CCSER2: variants seen among roughly 807,000 people sequenced by gnomAD.
CCSER2 encodes the protein coiled-coil serine rich protein 2.
A neutral mutation model predicts 92.3 loss-of-function variants in CCSER2; 46 were observed. The observed-to-expected ratio is 0.50, with a 90% CI of 0.39 to 0.64. The LOEUF (loss-of-function observed/expected upper bound fraction) is 0.64, where lower values mean the gene tolerates loss of function less well. Ranked by LOEUF, CCSER2 falls within the 30% of genes least tolerant of loss-of-function variation. The pLI, the probability that CCSER2 is intolerant of heterozygous loss-of-function variation, is 0.00. For synonymous variants in CCSER2, 433 were observed against 431.4 expected (o/e 1.00, Z -0.04); for missense variants, 1,244 against 1,238.9 (o/e 1.00, Z -0.06).
At chr10:84,451,274 G>GT (rs1195724382) in intron 6 of CCSER2, among the ~76,000 whole-genome samples, 359 of 119,896 alleles carry the variant, frequency 3.0e-3, no homozygotes, top group African/African-American at 6.3e-3. Context: ...TTTGTTTTTT[G>GT]TTTTTTTTTT....
chr10:84,410,260 A>G (rs1363150098), intron 3 of CCSER2, among the ~76,000 whole-genome samples: 2 of 152,152 alleles, frequency 1.3e-5, no homozygotes, highest in Admixed American at 6.5e-5. Context: ...AATTATTTAT[A>G]TTTCTTCAAT....
In CCSER2 at chr10:84,371,845, C is replaced by G; in HGVS notation, c.793C>G (p.Leu265Val). 1 of 1,613,962 alleles carries G rather than the reference C, an allele frequency of 6.2e-7. No individual in the cohort carries two copies. Among genetic ancestry groups the G allele is most frequent in the Non-Finnish European group, 8.5e-7 (1 of 1,179,900 alleles). The change falls in exon 2 of 10, where the codon CTA (leucine) becomes GTA (valine). Residue 265 changes from leucine (L) to valine (V), a missense_variant. Physicochemically the swap from Leu to Val is conservative, Grantham distance 32 (BLOSUM62 1). Transcript: ENST00000372088. ...QNQQLSIRVPLRSSMLTRNSR... is the reference protein window; with the variant it reads ...QNQQLSIRVPVRSSMLTRNSR... ...CCAACAGCTATCCATTAGAGTGCCT[C>G]TACGGTCAAGTATGCTAACAAGAAA... is the stretch of plus-strand genomic sequence containing the variant.
chr10:84,362,434 G>A (rs117038652), intron 1 of CCSER2, among the ~76,000 whole-genome samples: 3,128 of 152,132 alleles, frequency 0.021, 57 homozygotes, highest in Non-Finnish European at 0.034. Flanking sequence ...TTGTGTTCCT[G>A]TACCAACTGG....
At chr10:84,351,501 A>G (rs1374432492) in intron 1 of CCSER2, among the ~76,000 whole-genome samples, 2 of 151,852 alleles carry the variant, frequency 1.3e-5, no homozygotes, top group African/African-American at 4.8e-5. Context: ...CAAAATCCCA[A>G]AATGCTGGGA....
intron 1 of CCSER2, among the ~76,000 whole-genome samples, chr10:84,348,727 TAAAA>T (rs982260003): frequency 2.7e-5 from 4 of 145,508 alleles, no homozygotes; most frequent in Non-Finnish European, 6.1e-5. Context: ...GGGACTGTCT[TAAAA>T]AAAGTTTTGG....
chr10:84,353,361 A>G (rs1026995580), intron 1 of CCSER2, among the ~76,000 whole-genome samples: 2 of 152,140 alleles, frequency 1.3e-5, no homozygotes, highest in Non-Finnish European at 2.9e-5. Context: ...GTATATACTA[A>G]CATCTGTTAT....
At chr10:84,363,512 TC>T (rs1845620389) in intron 1 of CCSER2, among the ~76,000 whole-genome samples, 1 of 152,222 alleles carries the variant, frequency 6.6e-6, no homozygotes, top group Non-Finnish European at 1.5e-5. Flanking sequence ...AGTTAATTGC[TC>T]TTGTACTTAG....
chr10:84,375,126 T>G (rs1846257784), intron 3 of CCSER2, among the ~76,000 whole-genome samples: 1 of 152,150 alleles, frequency 6.6e-6, no homozygotes, highest in Non-Finnish European at 1.5e-5. Flanking sequence ...AATAAACCAC[T>G]TAGTACCTGA....
chr10:84,443,990 C>CG (rs964839912), intron 6 of CCSER2, among the ~76,000 whole-genome samples: 1 of 151,044 alleles, frequency 6.6e-6, no homozygotes, highest in Non-Finnish European at 1.5e-5. Context: ...CAGGGCCTGT[C>CG]GGGGGGTAGG....
chr10:84,357,906 C>T (rs11814453), intron 1 of CCSER2, among the ~76,000 whole-genome samples: 31,686 of 152,042 alleles, frequency 0.21, 3,570 homozygotes, highest in Admixed American at 0.34. Context: ...AATAATGCTT[C>T]TATGGGTGAC....
At chr10:84,415,343 TG>T (rs1842839904) in intron 3 of CCSER2, among the ~76,000 whole-genome samples, 1 of 152,240 alleles carries the variant, frequency 6.6e-6, no homozygotes, top group Non-Finnish European at 1.5e-5. Flanking sequence ...GGGTCTTTTT[TG>T]TTGATGGTTT....
At chr10:84,496,657 T>C (rs1848469705) in intron 9 of CCSER2, among the ~76,000 whole-genome samples, 1 of 152,208 alleles carries the variant, frequency 6.6e-6, no homozygotes, top group Non-Finnish European at 1.5e-5. Flanking sequence ...GGTAGATTAC[T>C]GGATACAAGT....
chr10:84,419,516 C>G (rs1843037095), intron 4 of CCSER2, among the ~76,000 whole-genome samples: 1 of 152,162 alleles, frequency 6.6e-6, no homozygotes, highest in African/African-American at 2.4e-5. Flanking sequence ...GTGTACTCTT[C>G]ATAATGAAGG....
chr10:84,330,999 A>C (rs1843534695), intron 1 of CCSER2, among the ~76,000 whole-genome samples: 1 of 152,158 alleles, frequency 6.6e-6, no homozygotes, highest in African/African-American at 2.4e-5. Context: ...CCTAATTCTA[A>C]ATCTTAATTG....
intron 9 of CCSER2, among the ~76,000 whole-genome samples, chr10:84,512,535 C>T (rs1480125042): frequency 1.3e-5 from 2 of 152,160 alleles, no homozygotes; most frequent in Non-Finnish European, 2.9e-5. Context: ...GTATTTTTTA[C>T]TGGATACCCC....
In CCSER2 at chr10:84,515,763, G is replaced by A. The variant is rs1849578474; in HGVS notation, c.*1496G>A. 1 of 152,106 alleles carries A rather than the reference G, an allele frequency of 6.6e-6. No homozygotes were observed. The highest frequency in any genetic ancestry group is 1.5e-5 in the Non-Finnish European group (1 of 68,018). The allele number at this position is 152,106 out of a possible 1,614,324, so 9.4% of individuals were successfully genotyped here. On this transcript the variant is annotated 3_prime_UTR_variant, in exon 10 of 10. Coordinates refer to ENST00000372088, the MANE Select transcript of CCSER2 (RefSeq NM_001284240.2). Reference sequence around the variant, plus strand: ...TTGGGAAAAAAATAGAATTGAAGATGGGAAATTTTGTTTTATTAAAAAGGT... The same window carrying A: ...TTGGGAAAAAAATAGAATTGAAGATAGGAAATTTTGTTTTATTAAAAAGGT...
intron 3 of CCSER2, 110 bp from the exon 4 acceptor site, chr10:84,417,661 T>C: frequency 1.8e-6 from 1 of 561,906 alleles, no homozygotes. Flanking sequence ...ATTCTTTCAG[T>C]GCAGATAATG....
chr10:84,442,593 C>A (rs917394171), intron 6 of CCSER2, among the ~76,000 whole-genome samples: 2 of 152,132 alleles, frequency 1.3e-5, no homozygotes, highest in African/African-American at 4.8e-5. Context: ...TTTAAAAAAT[C>A]TCTTTTCTCA....
At chr10:84,510,341 C>G (rs1260920877) in intron 9 of CCSER2, among the ~76,000 whole-genome samples, 1 of 152,128 alleles carries the variant, frequency 6.6e-6, no homozygotes, top group Non-Finnish European at 1.5e-5. Flanking sequence ...TGTGACCTCT[C>G]CAGGCAGGCA....
Sources: gnomAD v4.1 joint callset for allele counts (sites outside exome capture counted in the v4.1 genomes callset) on GRCh38, gnomAD v4.1.1 for gene constraint, MANE v1.5 for transcripts, NCBI Gene and HGNC (gene_info 2026-07-23, HGNC 2026-07-21) for gene names.